ZNF483: variants seen among roughly 807,000 people sequenced by gnomAD.
The protein encoded by ZNF483 is zinc finger protein HIT-10.
Under a neutral mutation model 28.6 loss-of-function variants are expected in ZNF483, and 9 were observed. That is an observed-to-expected ratio of 0.32 (90% confidence interval 0.19 to 0.55). The LOEUF is 0.55. ZNF483 is among the 20% of genes least tolerant of loss of function. The pLI, the probability that ZNF483 is intolerant of heterozygous loss-of-function variation, is 0.93. For missense variants in ZNF483, 675 were observed against 871.7 expected (o/e 0.77, Z 2.84); for synonymous variants, 322 against 306.2 (o/e 1.05, Z -0.54).
intron 3 of ZNF483, among the ~76,000 whole-genome samples, 183 bp downstream of exon 3, chr9:111,531,146 A>G (rs1219780690): frequency 2.6e-5 from 4 of 151,922 alleles, no homozygotes; most frequent in Admixed American, 6.6e-5. Flanking sequence ...GTGAGCTATG[A>G]TCATGCCACT....
intron 5 of ZNF483, among the ~76,000 whole-genome samples, chr9:111,539,112 CAAAAAAAA>C (rs11367090): frequency 7.7e-5 from 5 of 64,896 alleles, no homozygotes; most frequent in Non-Finnish European, 1.0e-4. Context: ...GACTCCGTCT[CAAAAAAAA>C]AAAAAAAAAA....
At position 111,543,138 on chromosome 9, in the gene ZNF483, A is replaced by G. The variant is rs200323007; in HGVS notation, c.2203A>G (p.Ile735Val). 8 of 1,611,234 alleles carry G rather than the reference A, an allele frequency of 5.0e-6. No individual in the cohort carries two copies. In the East Asian group the frequency reaches 8.9e-5, roughly 18 times the overall value. ...GACATTTAAAAGTAATTCAGGCCTC[A>G]TTAGACATCGGGGATTTCACTCTGC... ...EKTFKSNSGL[I>V]RHRGFHSAE Residue 735 changes from isoleucine to valine, a missense_variant, in exon 6 of 6, where the codon ATT (isoleucine) becomes GTT (valine). Transcript: ENST00000309235.
Position 111,543,011 on chromosome 9 carries a change from G to A in ZNF483, c.2076G>A (p.Glu692=). Residue 692 remains glutamate, a synonymous_variant, in exon 6 of 6, where the codon GAG becomes GAA. Transcript: ENST00000309235. ...TTCATACAGGAGAGAAACCCTATGAGTGTAACTATTGTGGTGCAACCTTTA... is the reference window on the plus strand; with the variant it reads ...TTCATACAGGAGAGAAACCCTATGAATGTAACTATTGTGGTGCAACCTTTA... ...HRIHTGEKPY[E]CNYCGATFSR... is the part of the protein sequence containing the mutation. 6.2e-7 allele frequency: 1 copy of A among 1,614,188 alleles called. No homozygotes were observed. The highest frequency in any genetic ancestry group is 8.5e-7 in the Non-Finnish European group (1 of 1,180,020).
In ZNF483 at chr9:111,551,407, T is replaced by G. The variant is rs796979134; in HGVS notation, c.*8237T>G. ...ATCAAGTATCCAGTTTTTGTTTTTT[T>G]TTTTTTTTTTTTTTTTTTGAGATGG... On this transcript the variant is annotated 3_prime_UTR_variant, in exon 6 of 6. Coordinates refer to ENST00000309235, the MANE Select transcript of ZNF483 (RefSeq NM_133464.5). Among the ~76,000 whole-genome samples the G allele has an allele frequency of 2.4e-4, 33 of 136,746 alleles. No individual in the cohort carries two copies. The highest frequency in any genetic ancestry group is 5.0e-4 in the African/African-American group (18 of 36,240). 89.7% of individuals were successfully genotyped at this position (136,746 alleles called of 152,430 possible).
chr9:111,527,552 C>G lies in ZNF483; in HGVS notation c.157C>G (p.Gln53Glu). 1.2e-6 allele frequency: 2 copies of G among 1,614,188 alleles called. No individual in the cohort carries two copies. Among genetic ancestry groups the G allele is most frequent in the Non-Finnish European group, 1.7e-6 (2 of 1,180,040 alleles). Residue 53 changes from glutamine (Q) to glutamate (E), a missense_variant, in exon 2 of 6, where the codon CAG becomes GAG. Physicochemically the swap from Gln to Glu is conservative, Grantham distance 29. Transcript: ENST00000309235. ...TGCTGCTGATGCAGAGTCTTTCAGA[C>G]AGAGGTTTAGGTGGTTTTGTTACTC... ...GNAADAESFR[Q>E]RFRWFCYSEV...
intron 5 of ZNF483, among the ~76,000 whole-genome samples, chr9:111,535,271 C>T (rs1827464002): frequency 6.6e-6 from 1 of 152,114 alleles, no homozygotes; most frequent in Admixed American, 6.5e-5. Flanking sequence ...CACTAGAGGA[C>T]GTATCGAAAC....
intron 5 of ZNF483, among the ~76,000 whole-genome samples, chr9:111,566,014 C>T (rs529779406): frequency 1.8e-4 from 28 of 152,020 alleles, no homozygotes; most frequent in African/African-American, 6.5e-4. Context: ...GAGTTCAAGA[C>T]AAGCCTGGCC....
rs1827814819 is a variant in ZNF483, at chr9:111,546,659, A to T, written c.*3489A>T. Among the ~76,000 whole-genome samples the T allele has an allele frequency of 2.0e-5, 3 of 152,150 alleles. No individual in the cohort carries two copies. The South Asian group carries it at 6.2e-4, about 31-fold the overall frequency. On this transcript the variant is annotated 3_prime_UTR_variant, in exon 6 of 6. Transcript: ENST00000309235. Reference sequence around the variant, plus strand: ...ATAAAGTCATTTTATTTATTTTAGAATTATTTTTTAATGTAGTAAGATACA... The same window carrying T: ...ATAAAGTCATTTTATTTATTTTAGATTTATTTTTTAATGTAGTAAGATACA...
In ZNF483 at chr9:111,546,525, C is replaced by T. The variant is rs191649873; in HGVS notation, c.*3355C>T. 1.2e-4 allele frequency among the ~76,000 whole-genome samples: 18 copies of T among 152,268 alleles called. No individual in the cohort carries two copies. Among genetic ancestry groups the T allele is most frequent in the South Asian group, 4.1e-4 (2 of 4,828 alleles). ...TATAGGATTGCTTTTATGAAGAGCA[C>T]TGTGACACATTTTACTTTAAAATGA... On this transcript the variant is annotated 3_prime_UTR_variant, in exon 6 of 6. Coordinates refer to ENST00000309235, the MANE Select transcript of ZNF483 (RefSeq NM_133464.5).
intron 5 of ZNF483, among the ~76,000 whole-genome samples, chr9:111,536,088 T>A (rs918731635): frequency 1.3e-5 from 2 of 150,376 alleles, no homozygotes; most frequent in Admixed American, 1.3e-4. Flanking sequence ...AGAGATGGCG[T>A]TTCCCCATGG....
rs567629780 is a variant in ZNF483 at position 111,552,084 on chromosome 9, CTTG to C, written c.*8917_*8919del. Among the ~76,000 whole-genome samples the C allele has an allele frequency of 2.4e-3, 369 of 152,304 alleles. 1 individual carries two copies. Among genetic ancestry groups the C allele is most frequent in the African/African-American group, 8.5e-3 (352 of 41,570 alleles). ...CCCATTTTAGGAGCTTCAAATTTAG[CTTG>C]TTCATATGCAGCGTGATATTAGGGA... On this transcript the variant is annotated 3_prime_UTR_variant, in exon 6 of 6. Coordinates refer to ENST00000309235, the MANE Select transcript of ZNF483 (RefSeq NM_133464.5).
intron 5 of ZNF483, among the ~76,000 whole-genome samples, chr9:111,564,932 T>C (rs1828488373): frequency 6.6e-6 from 1 of 152,036 alleles, no homozygotes; most frequent in Non-Finnish European, 1.5e-5. Context: ...GAGACCAGCC[T>C]GGCCAACATG....
chr9:111,534,480 T>G, intron 5 of ZNF483, 127 bp downstream of exon 5: 2 of 754,014 alleles, frequency 2.7e-6, no homozygotes, highest in South Asian at 2.0e-5. Context: ...AGCCCTTGCC[T>G]TCCTGAAATG....
chr9:111,576,590 C>A, exon 6 of ZNF483: 1 of 639,618 alleles, frequency 1.6e-6, no homozygotes, highest in Non-Finnish European at 2.6e-6. Context: ...CACTTCTGAA[C>A]CTCCTTTTGT....
intron 5 of ZNF483, among the ~76,000 whole-genome samples, chr9:111,565,795 G>A (rs1828536537): frequency 6.6e-6 from 1 of 152,034 alleles, no homozygotes; most frequent in Non-Finnish European, 1.5e-5. Context: ...AAAGTGCTGG[G>A]ATTATAGCTA....
intron 5 of ZNF483, among the ~76,000 whole-genome samples, chr9:111,541,130 CCTAGGCTGGAGTGCAGTGCCACAATCT>C (rs1827660803): frequency 6.9e-6 from 1 of 144,510 alleles, no homozygotes; most frequent in African/African-American, 2.6e-5. Flanking sequence ...TGCTCTGTTG[CCTAGGCTGGAGTGCAGTGCCACAATCT>C]CGGCTCCCTG....
chr9:111,551,414 T>TG lies in ZNF483; in HGVS notation c.*8244_*8245insG, dbSNP rs1490645550. On this transcript the variant is annotated 3_prime_UTR_variant, in exon 6 of 6. Coordinates refer to ENST00000309235, the MANE Select transcript of ZNF483 (RefSeq NM_133464.5). The stretch of plus-strand genomic sequence containing the variant: ...ATCCAGTTTTTGTTTTTTTTTTTTT[T>TG]TTTTTTTTTTTGAGATGGAGTCTCA... Among the ~76,000 whole-genome samples, 2 of 141,736 alleles carry TG rather than the reference T, an allele frequency of 1.4e-5. No individual in the cohort carries two copies. Among genetic ancestry groups the TG allele is most frequent in the East Asian group, 4.1e-4 (2 of 4,916 alleles). The allele number at this position is 141,736 out of a possible 152,430, so 93.0% of individuals were successfully genotyped here. A position where few individuals can be genotyped will look rare whatever the true frequency, so the allele number is the denominator to read the frequency against.
chr9:111,558,768 T>C (rs1828194398), downstream of ZNF483, among the ~76,000 whole-genome samples: 1 of 152,170 alleles, frequency 6.6e-6, no homozygotes, highest in South Asian at 2.1e-4. Context: ...CCTATTTTTT[T>C]GTCTCATACA....
Position 111,544,399 on chromosome 9 carries a change from T to C in ZNF483, c.*1229T>C. On this transcript the variant is annotated 3_prime_UTR_variant, in exon 6 of 6. Transcript: ENST00000309235. ...ATACATTGTTGCCACTATCTAAAAT[T>C]AGGGCATTTCATACTAAAAACAAAG... The C allele has an allele frequency of 1.0e-6, 1 of 975,604 alleles. No individual in the cohort carries two copies. Among genetic ancestry groups the C allele is most frequent in the South Asian group, 4.7e-5 (1 of 21,096 alleles). 60.4% of individuals were successfully genotyped at this position (975,604 alleles called of 1,614,324 possible). A position where few individuals can be genotyped will look rare whatever the true frequency, so the allele number is the denominator to read the frequency against.
Sources: allele counts gnomAD v4.1 joint callset (sites outside exome capture counted in the v4.1 genomes callset), GRCh38; gene constraint gnomAD v4.1.1; transcripts MANE v1.5; gene names NCBI Gene and HGNC (gene_info 2026-07-23, HGNC 2026-07-21).